XPR1: variants seen among roughly 807,000 people sequenced by gnomAD.
XPR1 encodes the protein solute carrier family 53 member 1.
Under a neutral mutation model 87.5 loss-of-function variants are expected in XPR1, and 28 were observed. The observed-to-expected ratio is 0.32, with a 90% confidence interval of 0.24 to 0.44. XPR1 has a LOEUF of 0.44. Ranked by LOEUF, XPR1 falls within the 20% of genes least tolerant of loss-of-function variation. The pLI, the probability that XPR1 is intolerant of heterozygous loss-of-function variation, is 1.00. For synonymous variants in XPR1, 300 were observed against 306.1 expected (o/e 0.98, Z 0.21); for missense variants, 559 against 862.3 (o/e 0.65, Z 4.41).
At chr1:180,734,394 G>C (rs1480029327) in intron 2 of XPR1, among the ~76,000 whole-genome samples, 1 of 152,190 alleles carries the variant, frequency 6.6e-6, no homozygotes. Flanking sequence ...ACAGGAATTA[G>C]TGAGGGGTAA....
chr1:180,697,515 C>A (rs1037849375), intron 2 of XPR1, among the ~76,000 whole-genome samples: 1 of 151,658 alleles, frequency 6.6e-6, no homozygotes, highest in African/African-American at 2.4e-5. Context: ...CTTGTTCTTG[C>A]TTTTCTAGTT....
intron 1 of XPR1, among the ~76,000 whole-genome samples, chr1:180,653,715 G>A (rs147929088): frequency 5.3e-5 from 8 of 152,140 alleles, no homozygotes; most frequent in South Asian, 2.1e-4. Flanking sequence ...AAAATAATAC[G>A]CCAGAATCAT....
chr1:180,718,669 AT>A (rs34441510), intron 2 of XPR1, among the ~76,000 whole-genome samples: 184 of 134,786 alleles, frequency 1.4e-3, no homozygotes, highest in East Asian at 1.9e-3. Flanking sequence ...GAGCATCTGT[AT>A]TTTTTTTTTT....
Position 180,887,594 on chromosome 1 carries a change from C to G in XPR1, c.*3528C>G, listed in dbSNP as rs940627667. 1 of 152,166 alleles carries G rather than the reference C, an allele frequency of 6.6e-6. No homozygotes were observed. Among genetic ancestry groups the G allele is most frequent in the Non-Finnish European group, 1.5e-5 (1 of 68,032 alleles). The allele number at this position is 152,166 out of a possible 1,614,324, so 9.4% of individuals were successfully genotyped here. ...TGGAAAGTAGTCAAAAACCCATGTG[C>G]AACTTTTTTTCAGCACTCTACCATT... On this transcript the variant is annotated 3_prime_UTR_variant, in exon 15 of 15. Coordinates refer to ENST00000367590, the MANE Select transcript of XPR1 (RefSeq NM_004736.4).
rs575461439 is a variant in XPR1, at chr1:180,669,043, C to T, written c.70-13317C>T. On this transcript the variant is annotated intron_variant, in intron 1 of 14. Coordinates refer to ENST00000367590, the MANE Select transcript of XPR1 (RefSeq NM_004736.4). ...GGCAGAGGTTGCAGAGAGCTGAGAT[C>T]GCACCATTGCATTCCAGCCTGAGCA... is the stretch of plus-strand genomic sequence containing the variant. Among the ~76,000 whole-genome samples, 6 of 149,840 alleles carry T rather than the reference C, an allele frequency of 4.0e-5. No homozygotes were observed. The East Asian group carries it at 7.9e-4, about 20-fold the overall frequency.
intron 12 of XPR1, among the ~76,000 whole-genome samples, chr1:180,864,560 A>G (rs954484146): frequency 1.1e-4 from 17 of 152,258 alleles, no homozygotes; most frequent in Non-Finnish European, 2.1e-4. Flanking sequence ...TTGCATCAAG[A>G]AGACTTCTCC....
intron 2 of XPR1, among the ~76,000 whole-genome samples, chr1:180,696,202 G>GTATATATATATATA (rs1483808394): frequency 1.9e-5 from 2 of 106,350 alleles, no homozygotes; most frequent in East Asian, 2.5e-4. Context: ...GTGTGTGTGT[G>GTATATATATATATA]TGTGTGTATA....
chr1:180,806,103 T>C lies in XPR1; in HGVS notation c.489T>C (p.His163=). 2 of 1,613,752 alleles carry C rather than the reference T, an allele frequency of 1.2e-6. No individual in the cohort carries two copies. Among genetic ancestry groups the C allele is most frequent in the East Asian group, 2.2e-5 (1 of 44,864 alleles). ...FTGFRKILKK[H]DKILETSRGA... is the part of the protein sequence containing the mutation. ...GGTTTCGAAAAATCCTGAAAAAGCA[T>C]GACAAGATCCTGGAAACATCTCGTG... Residue 163 remains histidine, a synonymous_variant, in exon 5 of 15, where the codon CAT becomes CAC. Coordinates refer to ENST00000367590, the MANE Select transcript of XPR1 (RefSeq NM_004736.4).
At chr1:180,796,192 T>A (rs1649568458) in intron 3 of XPR1, among the ~76,000 whole-genome samples, 1 of 152,304 alleles carries the variant, frequency 6.6e-6, no homozygotes, top group Non-Finnish European at 1.5e-5. Flanking sequence ...CACACACTTT[T>A]CCAGGTTCTG....
At chr1:180,653,211 C>T (rs2101906182) in intron 1 of XPR1, among the ~76,000 whole-genome samples, 1 of 152,248 alleles carries the variant, frequency 6.6e-6, no homozygotes, top group Middle Eastern at 3.4e-3. Context: ...CAAGGCTAAC[C>T]TGTACAGGGT....
At position 180,680,356 on chromosome 1, in the gene XPR1, C is replaced by CTT. The variant is rs1557953500; in HGVS notation, c.70-2004_70-2003insTT. On this transcript the variant is annotated intron_variant, in intron 1 of 14. Coordinates refer to ENST00000367590, the MANE Select transcript of XPR1 (RefSeq NM_004736.4). ...ATTCCTCAAATAACTACAAATAGAACCTTTTTTTTTTTTTTTTTTTTTTTT... is the reference window on the plus strand; with the variant it reads ...ATTCCTCAAATAACTACAAATAGAACTTCTTTTTTTTTTTTTTTTTTTTTTTT... Among the ~76,000 whole-genome samples, 910 of 119,478 alleles carry CTT rather than the reference C, an allele frequency of 7.6e-3. 18 individuals are homozygous for CTT. Among genetic ancestry groups the CTT allele is most frequent in the African/African-American group, 0.028 (866 of 31,262 alleles). The allele number at this position is 119,478 out of a possible 152,430, so 78.4% of individuals were successfully genotyped here. A position where few individuals can be genotyped will look rare whatever the true frequency, so the allele number is the denominator to read the frequency against.
chr1:180,824,436 C>G (rs527402543), intron 7 of XPR1, among the ~76,000 whole-genome samples: 1 of 152,158 alleles, frequency 6.6e-6, no homozygotes, highest in South Asian at 2.1e-4. Context: ...CAACAATTAG[C>G]TGGGCGTGGT....
intron 1 of XPR1, among the ~76,000 whole-genome samples, chr1:180,658,603 C>A (rs1655621675): frequency 6.6e-6 from 1 of 152,004 alleles, no homozygotes; most frequent in Non-Finnish European, 1.5e-5. Flanking sequence ...TCGCCACTGT[C>A]TCCCAGGCTG....
At chr1:180,636,373 G>C (rs1654758195) in intron 1 of XPR1, among the ~76,000 whole-genome samples, 1 of 152,208 alleles carries the variant, frequency 6.6e-6, no homozygotes, top group African/African-American at 2.4e-5. Context: ...ACTTGTAAAT[G>C]ATTGCGTCAA....
intron 2 of XPR1, among the ~76,000 whole-genome samples, chr1:180,733,039 C>A (rs752350542): frequency 6.6e-6 from 1 of 152,166 alleles, no homozygotes; most frequent in African/African-American, 2.4e-5. Context: ...ACCGGCGTGC[C>A]GGTGCATGTC....
chr1:180,639,151 G>T (rs1390374224), intron 1 of XPR1, among the ~76,000 whole-genome samples: 1 of 152,102 alleles, frequency 6.6e-6, no homozygotes, highest in Non-Finnish European at 1.5e-5. Flanking sequence ...ACAAAAATTA[G>T]CTGGGTGTGG....
chr1:180,820,303 G>C (rs1650580317), intron 7 of XPR1, among the ~76,000 whole-genome samples: 1 of 152,004 alleles, frequency 6.6e-6, no homozygotes, highest in Non-Finnish European at 1.5e-5. Context: ...TCAGCTGCTG[G>C]CAACCACTAA....
At chr1:180,747,904 A>G (rs1647325687) in intron 2 of XPR1, among the ~76,000 whole-genome samples, 1 of 152,216 alleles carries the variant, frequency 6.6e-6, no homozygotes, top group Non-Finnish European at 1.5e-5. Flanking sequence ...CAAACCTTTT[A>G]TTTAAAGTGA....
intron 2 of XPR1, among the ~76,000 whole-genome samples, chr1:180,782,630 G>T (rs1026108833): frequency 4.0e-5 from 6 of 151,740 alleles, no homozygotes; most frequent in African/African-American, 1.5e-4. Flanking sequence ...TGGGATTAAG[G>T]CTCCATTAGC....
Sources: allele counts gnomAD v4.1 joint callset (sites outside exome capture counted in the v4.1 genomes callset), GRCh38; gene constraint gnomAD v4.1.1; transcripts MANE v1.5; gene names NCBI Gene and HGNC (gene_info 2026-07-23, HGNC 2026-07-21).